Variants in EYA4 observed in about 807,000 individuals in gnomAD.
The protein encoded by EYA4 is protein phosphatase EYA4.
A neutral mutation model predicts 87.9 loss-of-function variants in EYA4; 31 were observed. That is an observed-to-expected ratio of 0.35 (90% CI 0.27 to 0.48). The LOEUF is 0.48. Among genes scored for constraint, EYA4 ranks in the 20% least tolerant of loss-of-function variants. The probability of loss-of-function intolerance (pLI) is 0.99; values close to 1 mark genes in which losing one functional copy is unlikely to be tolerated. For synonymous variants in EYA4, 263 were observed against 270.6 expected (o/e 0.97, Z 0.28); for missense variants, 678 against 761.4 (o/e 0.89, Z 1.29).
chr6:133,293,156 C>T (rs1778625139), intron 2 of EYA4, among the ~76,000 whole-genome samples: 1 of 152,160 alleles, frequency 6.6e-6, no homozygotes, highest in African/African-American at 2.4e-5. Flanking sequence ...CCTCCTACTT[C>T]ATTTTGCAGA....
chr6:133,422,342 C>A (rs1016830586), intron 3 of EYA4, among the ~76,000 whole-genome samples: 1 of 152,024 alleles, frequency 6.6e-6, no homozygotes, highest in African/African-American at 2.4e-5. Context: ...TATGCTTTTG[C>A]CAGTTTTAAA....
intron 2 of EYA4, among the ~76,000 whole-genome samples, chr6:133,327,720 A>G (rs1781612486): frequency 6.6e-6 from 1 of 152,210 alleles, no homozygotes; most frequent in Non-Finnish European, 1.5e-5. Flanking sequence ...TTTACCTTTT[A>G]TATCAGAAAA....
rs566465018 is a variant in EYA4 at position 133,274,913 on chromosome 6, A to G, written c.33+100A>G. 6.1e-5 allele frequency: 55 copies of G among 907,674 alleles called. 2 individuals are homozygous for G. The South Asian group carries it at 6.9e-4, about 11-fold the overall frequency. 56.2% of individuals were successfully genotyped at this position (907,674 alleles called of 1,614,324 possible). On this transcript the variant is annotated intron_variant, in intron 2 of 19. Transcript: ENST00000355286. ...TTGTAAGAAGTAAGTTTTTCATTAAATATATTTTTAAATGATTTTTGAATT... is the reference window on the plus strand; with the variant it reads ...TTGTAAGAAGTAAGTTTTTCATTAAGTATATTTTTAAATGATTTTTGAATT...
intron 2 of EYA4, among the ~76,000 whole-genome samples, chr6:133,366,978 T>C (rs149007065): frequency 5.1e-4 from 77 of 152,352 alleles, no homozygotes; most frequent in African/African-American, 1.7e-3. Context: ...TCAAATGTCA[T>C]TTCTTGGAAT....
At chr6:133,506,720 T>C (rs1366504383) in intron 14 of EYA4, among the ~76,000 whole-genome samples, 1 of 152,214 alleles carries the variant, frequency 6.6e-6, no homozygotes, top group African/African-American at 2.4e-5. Context: ...TTAAAAATTA[T>C]GTTTCTATTT....
intron 3 of EYA4, among the ~76,000 whole-genome samples, chr6:133,423,921 G>A (rs1229055030): frequency 1.3e-5 from 2 of 152,196 alleles, no homozygotes; most frequent in Non-Finnish European, 2.9e-5. Flanking sequence ...ACACAGACAA[G>A]TGAAGAGTGA....
intron 3 of EYA4, among the ~76,000 whole-genome samples, chr6:133,383,417 G>T (rs1786412228): frequency 6.7e-6 from 1 of 148,890 alleles, no homozygotes; most frequent in Non-Finnish European, 1.5e-5. Flanking sequence ...ACTCGGGAGG[G>T]TGAGGTGGAA....
At chr6:133,285,833 A>G (rs1301274494) in intron 2 of EYA4, among the ~76,000 whole-genome samples, 1 of 152,196 alleles carries the variant, frequency 6.6e-6, no homozygotes, top group Non-Finnish European at 1.5e-5. Context: ...CATAACTTCA[A>G]GGTCTTTGTG....
intron 2 of EYA4, among the ~76,000 whole-genome samples, chr6:133,324,450 A>G (rs909357831): frequency 6.6e-6 from 1 of 152,180 alleles, no homozygotes; most frequent in Admixed American, 6.5e-5. Context: ...GAAGTGTTAT[A>G]TAGTACTTGA....
At chr6:133,284,734 A>G (rs1242387777) in intron 2 of EYA4, among the ~76,000 whole-genome samples, 1 of 152,180 alleles carries the variant, frequency 6.6e-6, no homozygotes, top group Non-Finnish European at 1.5e-5. Flanking sequence ...GTACTAATTC[A>G]TTCAGTGAAT....
intron 2 of EYA4, among the ~76,000 whole-genome samples, chr6:133,326,285 A>G (rs915483692): frequency 6.6e-6 from 1 of 152,178 alleles, no homozygotes. Context: ...AGATAGATAG[A>G]TAGTTTGATA....
intron 14 of EYA4, chr6:133,510,480 A>G (rs990295465): frequency 5.7e-6 from 2 of 353,506 alleles, no homozygotes; most frequent in Non-Finnish European, 1.1e-5. Flanking sequence ...TCTGGGAGAA[A>G]AACTTTATTT....
intron 1 of EYA4, chr6:133,247,867 A>T (rs991419556): frequency 6.6e-6 from 1 of 152,132 alleles, no homozygotes; most frequent in Non-Finnish European, 1.5e-5. Context: ...TGCTGCAAAA[A>T]AATTCAAGTC....
chr6:133,530,992 A>G lies in EYA4; in HGVS notation c.*2187A>G, dbSNP rs1800977577. On this transcript the variant is annotated 3_prime_UTR_variant, in exon 20 of 20. Transcript: ENST00000355286. ...TTATTACTGTGAATAAAAACAAATT[A>G]TCTTTACTGTATAGCTGGTTTCTTT... 7.7e-7 allele frequency: 1 copy of G among 1,293,156 alleles called. No individual in the cohort carries two copies. Among genetic ancestry groups the G allele is most frequent in the Non-Finnish European group, 9.8e-7 (1 of 1,020,616 alleles). The allele number at this position is 1,293,156 out of a possible 1,614,324, so 80.1% of individuals were successfully genotyped here.
At chr6:133,477,233 C>T (rs1006860065) in intron 11 of EYA4, among the ~76,000 whole-genome samples, 1 of 152,042 alleles carries the variant, frequency 6.6e-6, no homozygotes, top group African/African-American at 2.4e-5. Flanking sequence ...TACACCCCCA[C>T]CAGCAGTGTG....
intron 3 of EYA4, among the ~76,000 whole-genome samples, chr6:133,445,651 TCA>T (rs1411649956): frequency 1.3e-5 from 2 of 151,170 alleles, no homozygotes; most frequent in Admixed American, 1.3e-4. Flanking sequence ...CAATCTCCAC[TCA>T]CTGCAAGCTC....
rs1176732077 is a variant in EYA4 at position 133,484,829 on chromosome 6, A to AT, written c.1191+1715dup. On this transcript the variant is annotated intron_variant, in intron 13 of 19. Transcript: ENST00000355286. ...AGTCACCATGAGGTGTTACACCTAA[A>AT]TATCCATGTTGCCCCCATTGTGCCA... Among the ~76,000 whole-genome samples the AT allele has an allele frequency of 2.6e-5, 4 of 152,336 alleles. No homozygotes were observed. In the East Asian group the frequency reaches 7.7e-4, roughly 29 times the overall value.
chr6:133,367,865 G>A (rs367697638), intron 2 of EYA4, among the ~76,000 whole-genome samples: 16 of 152,036 alleles, frequency 1.1e-4, no homozygotes, highest in African/African-American at 2.2e-4. Context: ...AATGAAAACC[G>A]TTATTGTTAA....
In EYA4 at chr6:133,374,064, G is replaced by C. The variant is rs552000242; in HGVS notation, c.34-8328G>C. Among the ~76,000 whole-genome samples the C allele has an allele frequency of 7.9e-5, 12 of 152,114 alleles. No homozygotes were observed. The South Asian group carries it at 2.5e-3, about 32-fold the overall frequency. On this transcript the variant is annotated intron_variant, in intron 2 of 19. Transcript: ENST00000355286. ...TATGGCATTTATGGCAGGTGAAAAA[G>C]GACTGTGGCATAGATAAGGAGAAAA...
Sources: allele counts gnomAD v4.1 joint callset (sites outside exome capture counted in the v4.1 genomes callset), GRCh38; gene constraint gnomAD v4.1.1; transcripts MANE v1.5; gene names NCBI Gene and HGNC (gene_info 2026-07-23, HGNC 2026-07-21).